TASP1: variants seen among roughly 807,000 people sequenced by gnomAD.
TASP1 encodes the protein threonine aspartase 1.
Under a neutral mutation model 56.6 loss-of-function variants are expected in TASP1, and 16 were observed. The ratio of observed to expected loss-of-function variants is 0.28; its 90% confidence interval spans 0.19 to 0.43. TASP1 has a LOEUF of 0.43. TASP1 is among the 20% of genes least tolerant of loss of function. The pLI, the probability that TASP1 is intolerant of heterozygous loss-of-function variation, is 1.00. For missense variants in TASP1, 393 were observed against 511.6 expected, an observed-to-expected ratio of 0.77 and a Z score of 2.24; for synonymous variants, 179 against 184.2, an observed-to-expected ratio of 0.97 and a Z score of 0.23.
the TASP1 span, among the ~76,000 whole-genome samples, chr20:13,315,970 C>T: frequency 6.6e-6 from 1 of 151,816 alleles, no homozygotes; most frequent in South Asian, 2.1e-4. Flanking sequence ...CACAACTTAC[C>T]AAAATTTGTA....
chr20:13,352,169 G>T, the TASP1 span, among the ~76,000 whole-genome samples: 8 of 152,236 alleles, frequency 5.3e-5, no homozygotes, highest in South Asian at 1.7e-3. Context: ...TAACTTTTAG[G>T]CCGGGCACAG....
At chr20:13,187,484 T>C in the TASP1 span, among the ~76,000 whole-genome samples, 83 of 151,564 alleles carry the variant, frequency 5.5e-4, no homozygotes, top group Non-Finnish European at 1.1e-3. Context: ...GCGCAGTGGC[T>C]CACTTCCATA....
At chr20:13,394,756 T>C (rs2041458593) in intron 13 of TASP1, among the ~76,000 whole-genome samples, 2 of 152,140 alleles carry the variant, frequency 1.3e-5, no homozygotes, top group South Asian at 4.1e-4. Context: ...CCACTGGCCG[T>C]GTAGTTATAA....
chr20:13,321,534 T>C, the TASP1 span, among the ~76,000 whole-genome samples: 1 of 152,142 alleles, frequency 6.6e-6, no homozygotes, highest in African/African-American at 2.4e-5. Context: ...AAGGTAAACA[T>C]AATCCTTCCT....
the TASP1 span, among the ~76,000 whole-genome samples, chr20:13,253,770 C>T: frequency 6.6e-6 from 1 of 152,092 alleles, no homozygotes; most frequent in Admixed American, 6.6e-5. Flanking sequence ...ATCAGTTTTT[C>T]TGTGAGCTCA....
At chr20:13,495,680 G>T (rs1359964614) in intron 10 of TASP1, among the ~76,000 whole-genome samples, 1 of 152,062 alleles carries the variant, frequency 6.6e-6, no homozygotes, top group Non-Finnish European at 1.5e-5. Context: ...TACAATTTGG[G>T]ACTCTTCAAG....
At chr20:13,233,682 G>T in the TASP1 span, among the ~76,000 whole-genome samples, 1 of 151,978 alleles carries the variant, frequency 6.6e-6, no homozygotes, top group African/African-American at 2.4e-5. Context: ...GACCTTCTGG[G>T]CACATGGGAC....
At chr20:13,238,833 C>T in the TASP1 span, among the ~76,000 whole-genome samples, 3 of 152,148 alleles carry the variant, frequency 2.0e-5, no homozygotes, top group African/African-American at 2.4e-5. Context: ...GAGGATACAA[C>T]GTTCTAAAGA....
At chr20:13,324,752 C>T in the TASP1 span, among the ~76,000 whole-genome samples, 12 of 152,154 alleles carry the variant, frequency 7.9e-5, no homozygotes, top group Non-Finnish European at 1.8e-4. Flanking sequence ...GGAACAGCAC[C>T]TAGCACCACT....
the TASP1 span, among the ~76,000 whole-genome samples, chr20:13,254,083 A>G: frequency 4.7e-5 from 7 of 150,178 alleles, no homozygotes; most frequent in Admixed American, 6.6e-5. Context: ...AAAAAAATAC[A>G]AACATTAGGC....
intron 6 of TASP1, among the ~76,000 whole-genome samples, chr20:13,572,710 C>G (rs377524961): frequency 7.2e-6 from 1 of 138,806 alleles, no homozygotes; most frequent in Non-Finnish European, 1.6e-5. Flanking sequence ...AAAAAACTCT[C>G]AAGAACTGAG....
At chr20:13,338,650 T>C in the TASP1 span, among the ~76,000 whole-genome samples, 1 of 152,212 alleles carries the variant, frequency 6.6e-6, no homozygotes, top group Non-Finnish European at 1.5e-5. Context: ...ATGCTAAAGA[T>C]GTTTTGACAT....
chr20:13,504,357 T>C (rs1337331391), intron 10 of TASP1, among the ~76,000 whole-genome samples: 1 of 151,948 alleles, frequency 6.6e-6, no homozygotes, highest in Non-Finnish European at 1.5e-5. Context: ...CCGAGAATAT[T>C]TTACCTGGCA....
chr20:13,373,086 CTTATT>C, the TASP1 span, among the ~76,000 whole-genome samples: 1 of 151,802 alleles, frequency 6.6e-6, no homozygotes, highest in South Asian at 2.1e-4. Context: ...TATGTGCTTT[CTTATT>C]TATCATTTCT....
chr20:13,176,688 T>C, the TASP1 span, among the ~76,000 whole-genome samples: 4 of 152,192 alleles, frequency 2.6e-5, no homozygotes, highest in African/African-American at 9.7e-5. Flanking sequence ...TTGTCTGATT[T>C]TGATATCAGG....
the TASP1 span, among the ~76,000 whole-genome samples, chr20:13,361,734 C>A: frequency 3.3e-5 from 5 of 152,076 alleles, no homozygotes; most frequent in Non-Finnish European, 5.9e-5. Flanking sequence ...CCATACATGC[C>A]CTGCTCTTGT....
the TASP1 span, among the ~76,000 whole-genome samples, chr20:13,325,190 T>C: frequency 2.0e-5 from 3 of 152,000 alleles, no homozygotes. Context: ...GGCCCTGGAG[T>C]GTCTCCCTTC....
At chr20:13,623,397 A>G in intron 4 of TASP1, 49 bp downstream of exon 4, 1 of 1,498,306 alleles carries the variant, frequency 6.7e-7, no homozygotes, top group South Asian at 1.2e-5. Context: ...TTTAAGAACA[A>G]TAAAGATAAA....
At chr20:13,538,650 T>C (rs909455808) in intron 8 of TASP1, among the ~76,000 whole-genome samples, 1 of 152,178 alleles carries the variant, frequency 6.6e-6, no homozygotes, top group Non-Finnish European at 1.5e-5. Flanking sequence ...TGGCTCCAGC[T>C]ACAGGACATC....
Sources: gnomAD v4.1 joint callset for allele counts (sites outside exome capture counted in the v4.1 genomes callset) on GRCh38, gnomAD v4.1.1 for gene constraint, MANE v1.5 for transcripts, NCBI Gene and HGNC (gene_info 2026-07-23, HGNC 2026-07-21) for gene names.